The following TMOD1 variants were observed in gnomAD, a reference collection of about 807,000 sequenced individuals.
TMOD1 encodes the protein tropomodulin-1.
TMOD1 carries 17 observed loss-of-function variants against 40.6 expected under a neutral mutation model. That is an observed-to-expected ratio of 0.42 (90% CI 0.29 to 0.63). TMOD1 has a LOEUF of 0.63. TMOD1 is among the 20% of genes least tolerant of loss of function. The pLI, the probability that TMOD1 is intolerant of heterozygous loss-of-function variation, is 0.22. For missense variants in TMOD1, 391 were observed against 447.6 expected (o/e 0.87, Z 1.14); for synonymous variants, 181 against 175.0 (o/e 1.03, Z -0.27).
rs1157179600 is a variant in TMOD1 at position 97,589,373 on chromosome 9, C to T, written c.871-1918C>T. 4.0e-4 allele frequency among the ~76,000 whole-genome samples: 59 copies of T among 149,184 alleles called. 2 individuals carry two copies. The South Asian group carries it at 5.1e-3, about 13-fold the overall frequency. ...TCTGCTCACTGCAACCTCTGCCTCC[C>T]GGGTTCTCCTGCCTCAGCCTCCCGA... On this transcript the variant is annotated intron_variant, in intron 8 of 9. Coordinates refer to ENST00000259365, the MANE Select transcript of TMOD1 (RefSeq NM_003275.4).
chr9:97,584,965 C>T (rs984884727), intron 8 of TMOD1, among the ~76,000 whole-genome samples: 34 of 152,264 alleles, frequency 2.2e-4, no homozygotes, highest in Middle Eastern at 3.4e-3. Flanking sequence ...TCCAATTTGC[C>T]AGTCTGTGTC....
chr9:97,569,693 C>T (rs548710862), intron 8 of TMOD1, among the ~76,000 whole-genome samples: 2 of 152,328 alleles, frequency 1.3e-5, no homozygotes, highest in South Asian at 4.1e-4. Context: ...GGACCAGGCT[C>T]TGAGATACAC....
chr9:97,539,925 T>G (rs1218751280), intron 2 of TMOD1, among the ~76,000 whole-genome samples: 1 of 125,560 alleles, frequency 8.0e-6, no homozygotes, highest in South Asian at 2.5e-4. Context: ...TGAACCGAGA[T>G]CATGCCACTG....
At chr9:97,569,727 C>T (rs1482122639) in intron 8 of TMOD1, among the ~76,000 whole-genome samples, 8 of 152,202 alleles carry the variant, frequency 5.3e-5, no homozygotes, top group Non-Finnish European at 2.9e-5. Context: ...CATCTTTGAT[C>T]TTCACAACAA....
chr9:97,589,117 CAAA>C (rs755141854), intron 8 of TMOD1, among the ~76,000 whole-genome samples: 10 of 67,498 alleles, frequency 1.5e-4, no homozygotes, highest in East Asian at 5.4e-4. Flanking sequence ...GACTCTGTCT[CAAA>C]AAAAAAAAAA....
At chr9:97,539,370 T>C (rs1404845427) in intron 2 of TMOD1, among the ~76,000 whole-genome samples, 4 of 152,212 alleles carry the variant, frequency 2.6e-5, no homozygotes, top group African/African-American at 9.6e-5. Context: ...CTAATAATCA[T>C]GAGAGCTCTA....
chr9:97,559,823 ATGT>A (rs1830607812), intron 4 of TMOD1, among the ~76,000 whole-genome samples: 1 of 63,290 alleles, frequency 1.6e-5, no homozygotes, highest in Non-Finnish European at 2.9e-5. Flanking sequence ...ATATATATAT[ATGT>A]CTATCTATCT....
At chr9:97,535,329 C>T (rs1009801564) in intron 2 of TMOD1, among the ~76,000 whole-genome samples, 26 of 152,186 alleles carry the variant, frequency 1.7e-4, no homozygotes, top group African/African-American at 6.3e-4. Context: ...CATTTCGGAA[C>T]ACTGCAGCCT....
intron 8 of TMOD1, among the ~76,000 whole-genome samples, chr9:97,578,348 C>G (rs557227954): frequency 6.6e-6 from 1 of 152,152 alleles, no homozygotes; most frequent in Non-Finnish European, 1.5e-5. Context: ...CCACCGTGCC[C>G]GGCCGAAGCT....
chr9:97,589,636 A>G (rs1360770989), intron 8 of TMOD1, among the ~76,000 whole-genome samples: 1 of 152,136 alleles, frequency 6.6e-6, no homozygotes, highest in African/African-American at 2.4e-5. Context: ...TCTATATACA[A>G]CATTATATCA....
At chr9:97,551,903 T>G (rs1308378520) in intron 3 of TMOD1, among the ~76,000 whole-genome samples, 1 of 152,238 alleles carries the variant, frequency 6.6e-6, no homozygotes, top group Non-Finnish European at 1.5e-5. Context: ...TTTCACCCCT[T>G]TGGTTGAATT....
intron 1 of TMOD1, among the ~76,000 whole-genome samples, chr9:97,509,663 T>C (rs550198649): frequency 6.6e-6 from 1 of 152,076 alleles, no homozygotes; most frequent in East Asian, 1.9e-4. Context: ...CCCAGCTAAT[T>C]TTTTGTATTT....
chr9:97,581,760 T>A (rs1825760954), intron 8 of TMOD1, among the ~76,000 whole-genome samples: 1 of 152,034 alleles, frequency 6.6e-6, no homozygotes. Context: ...GATGAGCATT[T>A]TTTCATGTGT....
intron 2 of TMOD1, among the ~76,000 whole-genome samples, chr9:97,529,831 G>C (rs1830071810): frequency 6.6e-6 from 1 of 152,258 alleles, no homozygotes; most frequent in African/African-American, 2.4e-5. Flanking sequence ...GCAGGGAGCA[G>C]TGTACAGTTT....
At chr9:97,535,012 G>A (rs1309237318) in intron 2 of TMOD1, among the ~76,000 whole-genome samples, 1 of 152,184 alleles carries the variant, frequency 6.6e-6, no homozygotes, top group Non-Finnish European at 1.5e-5. Context: ...AGCCTGGAGT[G>A]GCTAGAACAT....
At chr9:97,530,572 C>CT (rs1362693085) in intron 2 of TMOD1, among the ~76,000 whole-genome samples, 1 of 151,546 alleles carries the variant, frequency 6.6e-6, no homozygotes, top group African/African-American at 2.4e-5. Flanking sequence ...CCTGCAAGCT[C>CT]TGCCTCCCGG....
At chr9:97,525,159 C>T (rs965563956) in intron 2 of TMOD1, among the ~76,000 whole-genome samples, 7 of 152,168 alleles carry the variant, frequency 4.6e-5, no homozygotes, top group Non-Finnish European at 7.3e-5. Flanking sequence ...ACACTATCAC[C>T]TTCCCCAGAA....
chr9:97,601,557 C>G lies in TMOD1; in HGVS notation c.*1859C>G. On this transcript the variant is annotated 3_prime_UTR_variant, in exon 10 of 10. Coordinates refer to ENST00000259365, the MANE Select transcript of TMOD1 (RefSeq NM_003275.4). ...GAAGGCCACATCTTTAAGGCCACCT[C>G]TGCCTCTATCAGATGAGCTGCTGGT... 4.0e-6 allele frequency: 4 copies of G among 988,520 alleles called. No homozygotes were observed. The highest frequency in any genetic ancestry group is 4.8e-6 in the Non-Finnish European group (4 of 831,962). 61.2% of individuals were successfully genotyped at this position (988,520 alleles called of 1,614,324 possible).
intron 3 of TMOD1, among the ~76,000 whole-genome samples, chr9:97,546,845 C>T (rs1397034633): frequency 7.5e-5 from 11 of 146,014 alleles, no homozygotes; most frequent in South Asian, 2.2e-4. Context: ...AGGAAAATCG[C>T]GTGAACCCAG....
Sources: gnomAD v4.1 joint callset for allele counts (sites outside exome capture counted in the v4.1 genomes callset) on GRCh38, gnomAD v4.1.1 for gene constraint, MANE v1.5 for transcripts, NCBI Gene and HGNC (gene_info 2026-07-23, HGNC 2026-07-21) for gene names.